SLCO3A1: variants seen among roughly 807,000 people sequenced by gnomAD.
SLCO3A1 encodes solute carrier organic anion transporter family member 3A1.
Under a neutral mutation model 63.1 loss-of-function variants are expected in SLCO3A1, and 27 were observed. The ratio of observed to expected loss-of-function variants is 0.43; its 90% CI spans 0.32 to 0.59. SLCO3A1 has a LOEUF of 0.59. Ranked by LOEUF, SLCO3A1 falls within the 20% of genes least tolerant of loss-of-function variation. The probability of loss-of-function intolerance (pLI) is 0.09; values close to 1 mark genes in which losing one functional copy is unlikely to be tolerated. For synonymous variants in SLCO3A1, 473 were observed against 409.9 expected (o/e 1.15, Z -1.86); for missense variants, 773 against 945.8 (o/e 0.82, Z 2.40).
chr15:91,889,114 C>A, intron 1 of SLCO3A1: 1 of 1,247,406 alleles, frequency 8.0e-7, no homozygotes, highest in Non-Finnish European at 1.0e-6. Context: ...AAATATATTC[C>A]AGCTAAGTGG....
chr15:91,945,186 AC>A (rs1172064272), intron 2 of SLCO3A1, among the ~76,000 whole-genome samples: 1 of 152,152 alleles, frequency 6.6e-6, no homozygotes, highest in Non-Finnish European at 1.5e-5. Context: ...TACTAAAAAT[AC>A]AAAAATTAGC....
At chr15:92,083,396 C>G (rs1175030317) in intron 2 of SLCO3A1, among the ~76,000 whole-genome samples, 6 of 152,130 alleles carry the variant, frequency 3.9e-5, no homozygotes. Flanking sequence ...CCTCAGGTGC[C>G]CTCCCTTCCC....
At chr15:91,918,889 G>A (rs888780142) in intron 2 of SLCO3A1, among the ~76,000 whole-genome samples, 5 of 152,206 alleles carry the variant, frequency 3.3e-5, no homozygotes, top group Non-Finnish European at 7.3e-5. Context: ...TGTACCCCTG[G>A]TTCCAGCTCC....
intron 1 of SLCO3A1, among the ~76,000 whole-genome samples, chr15:91,915,305 A>G (rs910906977): frequency 7.9e-5 from 12 of 152,196 alleles, no homozygotes; most frequent in Admixed American, 5.2e-4. Flanking sequence ...TAGGGCAGAC[A>G]AGAATACAAA....
Position 91,882,752 on chromosome 15 carries a change from C to G in SLCO3A1, c.180+28664C>G, listed in dbSNP as rs1268041125. On this transcript the variant is annotated intron_variant, in intron 1 of 9. Coordinates refer to ENST00000318445, the MANE Select transcript of SLCO3A1 (RefSeq NM_013272.4). The surrounding 1 kb of genome is among the most constrained non-coding windows in gnomAD (Gnocchi z 4.4). ...GGCCAGGCTGGTCTCGAACTCCTGA[C>G]CTCAGGTCATCTGCCCATCTCGGCC... Among the ~76,000 whole-genome samples, 1 of 152,156 alleles carries G rather than the reference C, an allele frequency of 6.6e-6. No individual in the cohort carries two copies. Among genetic ancestry groups the G allele is most frequent in the Non-Finnish European group, 1.5e-5 (1 of 68,028 alleles).
rs2048472423 is a variant in SLCO3A1 at position 92,164,028 on chromosome 15, C to T, written c.*893C>T. ...CTTACATTTGCCAAAAACATTTTGC[C>T]ATTTTTAAAAGAAAAAAATACAATC... On this transcript the variant is annotated 3_prime_UTR_variant, in exon 10 of 10. Transcript: ENST00000318445. The T allele has an allele frequency of 1.0e-6, 1 of 985,042 alleles. No individual in the cohort carries two copies. Among genetic ancestry groups the T allele is most frequent in the African/African-American group, 1.8e-5 (1 of 57,108 alleles). 61.0% of individuals were successfully genotyped at this position (985,042 alleles called of 1,614,324 possible). A position where few individuals can be genotyped will look rare whatever the true frequency, so the allele number is the denominator to read the frequency against.
chr15:91,878,274 G>A (rs1043203443), intron 1 of SLCO3A1, among the ~76,000 whole-genome samples: 3 of 151,794 alleles, frequency 2.0e-5, no homozygotes, highest in Admixed American at 1.3e-4. Flanking sequence ...TAGTAGGGAC[G>A]AAGTTCACCC....
chr15:92,003,266 C>T (rs2046276214), intron 2 of SLCO3A1, among the ~76,000 whole-genome samples: 1 of 152,170 alleles, frequency 6.6e-6, no homozygotes, highest in Non-Finnish European at 1.5e-5. Context: ...TGCACTTATG[C>T]GTGGTAGGAG....
At chr15:92,054,728 T>G (rs2047001626) in intron 2 of SLCO3A1, among the ~76,000 whole-genome samples, 1 of 152,170 alleles carries the variant, frequency 6.6e-6, no homozygotes, top group Admixed American at 6.5e-5. Context: ...TGCATTAGTT[T>G]GCTAAGCATA....
In SLCO3A1 at chr15:91,922,188, G is replaced by A. The variant is rs1022992477; in HGVS notation, c.646+5730G>A. On this transcript the variant is annotated intron_variant, in intron 2 of 9. Coordinates refer to ENST00000318445, the MANE Select transcript of SLCO3A1 (RefSeq NM_013272.4). ...TTGTGTGTGTTAGGCAGACACACGCGCGTGCACGCACACACACACACGGCA... is the reference window on the plus strand; with the variant it reads ...TTGTGTGTGTTAGGCAGACACACGCACGTGCACGCACACACACACACGGCA... 4.4e-4 allele frequency among the ~76,000 whole-genome samples: 31 copies of A among 70,740 alleles called. 1 individual carries two copies. Among genetic ancestry groups the A allele is most frequent in the South Asian group, 1.3e-3 (2 of 1,596 alleles). The allele number at this position is 70,740 out of a possible 152,430, so 46.4% of individuals were successfully genotyped here.
chr15:91,971,394 C>CAAAAAAGAAAAAAAAAAAAAAAAA (rs1900859576), intron 2 of SLCO3A1, among the ~76,000 whole-genome samples: 1 of 39,388 alleles, frequency 2.5e-5, no homozygotes, highest in East Asian at 1.2e-3. Context: ...GACTCCATCT[C>CAAAAAAGAAAAAAAAAAAAAAAAA]AAAAAAAAAA....
chr15:92,019,422 C>T (rs1347724190), intron 2 of SLCO3A1, among the ~76,000 whole-genome samples: 1 of 152,194 alleles, frequency 6.6e-6, no homozygotes, highest in Non-Finnish European at 1.5e-5. Flanking sequence ...GTAAATATTA[C>T]TTTCTTCCCC....
chr15:91,992,435 G>A (rs2046138334), intron 2 of SLCO3A1, among the ~76,000 whole-genome samples: 1 of 152,138 alleles, frequency 6.6e-6, no homozygotes, highest in African/African-American at 2.4e-5. Flanking sequence ...CTCCTTTCTT[G>A]ACCCTGACTA....
chr15:91,994,903 G>C (rs1404151944), intron 2 of SLCO3A1, among the ~76,000 whole-genome samples: 2 of 152,188 alleles, frequency 1.3e-5, no homozygotes, highest in African/African-American at 4.8e-5. Flanking sequence ...GAGCCTAGGA[G>C]AGTTGTGCCT....
At chr15:92,082,620 A>G (rs1341836522) in intron 2 of SLCO3A1, among the ~76,000 whole-genome samples, 2 of 152,230 alleles carry the variant, frequency 1.3e-5, no homozygotes, top group Non-Finnish European at 2.9e-5. Flanking sequence ...CACAAAGATA[A>G]TTCTAGAAAG....
chr15:92,157,016 G>T (rs1234360697), intron 9 of SLCO3A1: 1 of 152,212 alleles, frequency 6.6e-6, no homozygotes, highest in African/African-American at 2.4e-5. Flanking sequence ...CAGGAAAACA[G>T]AGACAGTGTT....
chr15:92,088,573 T>C (rs1337303967), intron 2 of SLCO3A1, among the ~76,000 whole-genome samples: 1 of 152,206 alleles, frequency 6.6e-6, no homozygotes, highest in African/African-American at 2.4e-5. Flanking sequence ...CAGACATCCA[T>C]ATTGGGTCCT....
chr15:92,152,590 AT>A (rs1376249974), intron 9 of SLCO3A1, among the ~76,000 whole-genome samples: 5 of 152,090 alleles, frequency 3.3e-5, no homozygotes. Flanking sequence ...GATCGTGCTG[AT>A]TTTTTCCTAT....
chr15:92,031,188 A>C (rs1469748907), intron 2 of SLCO3A1, among the ~76,000 whole-genome samples: 2 of 152,242 alleles, frequency 1.3e-5, no homozygotes, highest in African/African-American at 4.8e-5. Context: ...GAGAAAAGAC[A>C]AAAGACATCA....
Sources: gnomAD v4.1 joint callset for allele counts (sites outside exome capture counted in the v4.1 genomes callset) on GRCh38, gnomAD v4.1.1 for gene constraint, Gnocchi (gnomAD v3.1) non-coding constraint, MANE v1.5 for transcripts, NCBI Gene and HGNC (gene_info 2026-07-23, HGNC 2026-07-21) for gene names.